Variants in NRG4 observed in about 807,000 individuals in gnomAD.
The protein encoded by NRG4 is neuregulin 4.
NRG4 carries 10 observed loss-of-function variants against 15.0 expected under a neutral mutation model. The observed-to-expected ratio is 0.67, with a 90% CI of 0.41 to 1.13. The LOEUF (loss-of-function observed/expected upper bound fraction) is 1.13, where lower values mean the gene tolerates loss of function less well. Among genes scored for constraint, NRG4 ranks in the 50% most tolerant of loss-of-function variants. The pLI is 0.00. For synonymous variants in NRG4, 41 were observed against 50.1 expected (o/e 0.82, Z 0.77); for missense variants, 139 against 140.2 (o/e 0.99, Z 0.04).
At chr15:76,025,468 A>G (rs1188308822) in intron 5 of NRG4, among the ~76,000 whole-genome samples, 4 of 152,056 alleles carry the variant, frequency 2.6e-5, no homozygotes, top group Admixed American at 2.6e-4. Context: ...TAGACAACAC[A>G]ATGAAATTTT....
intron 5 of NRG4, among the ~76,000 whole-genome samples, chr15:76,024,628 A>G (rs192963983): frequency 6.6e-6 from 1 of 152,314 alleles, no homozygotes; most frequent in Non-Finnish European, 1.5e-5. Context: ...CCAAGGCCCC[A>G]ACCCCAGCAA....
intron 2 of NRG4, among the ~76,000 whole-genome samples, chr15:76,056,498 A>G (rs1338916574): frequency 6.6e-6 from 1 of 151,810 alleles, no homozygotes. Flanking sequence ...AAATTAAATT[A>G]AAAAATAAAA....
chr15:75,983,320 C>A (rs921820856), intron 3 of NRG4, among the ~76,000 whole-genome samples: 1 of 152,174 alleles, frequency 6.6e-6, no homozygotes, highest in South Asian at 2.1e-4. Context: ...CTAATAAAAA[C>A]CCTCAATAAA....
intron 4 of NRG4, among the ~76,000 whole-genome samples, chr15:76,038,675 T>C (rs1057015258): frequency 1.3e-5 from 2 of 152,170 alleles, no homozygotes; most frequent in Non-Finnish European, 2.9e-5. Flanking sequence ...GCCCAGGGCC[T>C]GCAGGAACTT....
At chr15:76,043,053 ATATGAT>A (rs2035783936) in intron 4 of NRG4, among the ~76,000 whole-genome samples, 1 of 152,202 alleles carries the variant, frequency 6.6e-6, no homozygotes, top group African/African-American at 2.4e-5. Flanking sequence ...GACAAAAATC[ATATGAT>A]TATTTCAATT....
chr15:76,028,855 G>C (rs2035388344), intron 5 of NRG4, among the ~76,000 whole-genome samples: 1 of 136,734 alleles, frequency 7.3e-6, no homozygotes, highest in Non-Finnish European at 1.5e-5. Context: ...AGTGAACTGA[G>C]ATGTGCCACT....
upstream of NRG4, among the ~76,000 whole-genome samples, chr15:76,013,602 C>T (rs570380948): frequency 1.6e-4 from 24 of 152,042 alleles, no homozygotes; most frequent in Non-Finnish European, 2.9e-4. Context: ...GTTTGGTTTT[C>T]TGTTCTTGTG....
intron 4 of NRG4, among the ~76,000 whole-genome samples, chr15:75,957,452 T>C (rs942116806): frequency 1.3e-5 from 2 of 152,262 alleles, no homozygotes; most frequent in African/African-American, 4.8e-5. Flanking sequence ...TTTTGCTTCT[T>C]TCCAACTGAG....
chr15:75,991,628 AT>A (rs201392257), intron 3 of NRG4, among the ~76,000 whole-genome samples: 396 of 145,028 alleles, frequency 2.7e-3, no homozygotes, highest in East Asian at 9.1e-3. Flanking sequence ...TCCTTAGTGA[AT>A]TTTTTTTTTT....
chr15:76,043,613 A>G (rs1189600699), intron 4 of NRG4, among the ~76,000 whole-genome samples: 1 of 152,202 alleles, frequency 6.6e-6, no homozygotes, highest in African/African-American at 2.4e-5. Context: ...TACAATGAAA[A>G]CTATACCAAT....
At chr15:76,001,124 T>C (rs1157365352) in intron 3 of NRG4, among the ~76,000 whole-genome samples, 1 of 152,066 alleles carries the variant, frequency 6.6e-6, no homozygotes, top group Non-Finnish European at 1.5e-5. Flanking sequence ...TAGCTGGGAC[T>C]GTCAGCACAC....
chr15:76,034,619 TAA>T (rs3073840), intron 5 of NRG4, among the ~76,000 whole-genome samples: 45 of 141,606 alleles, frequency 3.2e-4, no homozygotes, highest in Non-Finnish European at 3.3e-4. Flanking sequence ...TAACCATAGC[TAA>T]AAAAAAAAAA....
intron 5 of NRG4, among the ~76,000 whole-genome samples, chr15:75,951,906 C>T (rs959900816): frequency 1.3e-5 from 2 of 152,152 alleles, no homozygotes; most frequent in Non-Finnish European, 2.9e-5. Context: ...TGCTCTTCCT[C>T]CCTTTATGTA....
chr15:76,035,989 C>T (rs771294389), exon 5 of NRG4: 1 of 152,176 alleles, frequency 6.6e-6, no homozygotes, highest in African/African-American at 2.4e-5. Context: ...CTAGGTCCAC[C>T]ACCTGAAAGA....
intron 3 of NRG4, among the ~76,000 whole-genome samples, chr15:75,964,685 C>T (rs943525492): frequency 3.3e-5 from 5 of 151,464 alleles, no homozygotes; most frequent in African/African-American, 4.9e-5. Context: ...CAGCACTTTG[C>T]GAGGCTGAGG....
chr15:76,044,709 C>T (rs1205711918), intron 4 of NRG4, among the ~76,000 whole-genome samples: 1 of 149,426 alleles, frequency 6.7e-6, no homozygotes, highest in Non-Finnish European at 1.5e-5. Flanking sequence ...GTGGCGGGCA[C>T]CTGTAGTCCC....
intron 4 of NRG4, among the ~76,000 whole-genome samples, chr15:76,037,349 C>T (rs746291403): frequency 3.3e-5 from 5 of 152,156 alleles, no homozygotes; most frequent in Non-Finnish European, 7.3e-5. Context: ...TCCCCTATCC[C>T]ATCACAGTAG....
intron 3 of NRG4, among the ~76,000 whole-genome samples, chr15:75,965,069 CA>C (rs896277293): frequency 6.6e-6 from 1 of 151,688 alleles, no homozygotes; most frequent in Non-Finnish European, 1.5e-5. Flanking sequence ...ACTAAAAATA[CA>C]AAAAAATTAG....
At chr15:76,019,070 C>T (rs1200376686) in intron 5 of NRG4, among the ~76,000 whole-genome samples, 1 of 151,998 alleles carries the variant, frequency 6.6e-6, no homozygotes, top group Non-Finnish European at 1.5e-5. Flanking sequence ...TCTACAGTGG[C>T]TTTGCTGAGC....
Sources: allele counts gnomAD v4.1 joint callset (sites outside exome capture counted in the v4.1 genomes callset), GRCh38; gene constraint gnomAD v4.1.1; transcripts MANE v1.5; gene names NCBI Gene and HGNC (gene_info 2026-07-23, HGNC 2026-07-21).